Variants in SLCO1B1 observed in about 807,000 individuals in gnomAD.
The protein encoded by SLCO1B1 is OATP-2.
A neutral mutation model predicts 70.1 loss-of-function variants in SLCO1B1; 81 were observed. The ratio of observed to expected loss-of-function variants is 1.16; its 90% CI spans 0.97 to 1.39. SLCO1B1 has a LOEUF of 1.39. Among genes scored for constraint, SLCO1B1 ranks in the 40% most tolerant of loss-of-function variants. SLCO1B1 has a pLI of 0.00. For missense variants in SLCO1B1, 895 were observed against 799.6 expected (o/e 1.12, Z -1.44); for synonymous variants, 283 against 271.5 (o/e 1.04, Z -0.42).
chr12:21,206,551 T>G (rs1941217106), intron 11 of SLCO1B1, among the ~76,000 whole-genome samples: 1 of 151,936 alleles, frequency 6.6e-6, no homozygotes, highest in Non-Finnish European at 1.5e-5. Flanking sequence ...CTCACTTGAC[T>G]GCCCTATTCT....
At chr12:21,163,688 A>G (rs530946981) in intron 2 of SLCO1B1, among the ~76,000 whole-genome samples, 1 of 152,280 alleles carries the variant, frequency 6.6e-6, no homozygotes, top group African/African-American at 2.4e-5. Context: ...TAAAAGAGAA[A>G]GAGAATGGAA....
At chr12:21,200,468 G>T (rs776612224) in intron 8 of SLCO1B1, 40 bp from the exon 9 acceptor site, 1 of 1,326,008 alleles carries the variant, frequency 7.5e-7, no homozygotes. Context: ...GTATATTTAA[G>T]TTGCATTCAA....
intron 14 of SLCO1B1, among the ~76,000 whole-genome samples, chr12:21,226,976 A>G (rs78252685): frequency 0.12 from 18,660 of 152,184 alleles, 1,555 homozygotes; most frequent in Non-Finnish European, 0.18. Context: ...TGATAATGAC[A>G]GGATTGCAAT....
intron 2 of SLCO1B1, among the ~76,000 whole-genome samples, chr12:21,148,855 G>C (rs1447180865): frequency 1.3e-5 from 2 of 152,076 alleles, no homozygotes; most frequent in African/African-American, 4.8e-5. Context: ...CTATCCATGA[G>C]CATAGAATGT....
At position 21,218,963 on chromosome 12, in the gene SLCO1B1, TTAAG is replaced by T. The variant is rs564350868; in HGVS notation, c.1682+1663_1682+1666del. On this transcript the variant is annotated intron_variant, in intron 12 of 14. Coordinates refer to ENST00000256958, the MANE Select transcript of SLCO1B1 (RefSeq NM_006446.5). ...CTATGAAGCTATTTTTTAAACTTGA[TTAAG>T]TAGGCAGAAGGACATCCATTTATTC... 6.8e-4 allele frequency among the ~76,000 whole-genome samples: 104 copies of T among 152,322 alleles called. 8 individuals are homozygous for T. The South Asian group carries it at 0.02, about 29-fold the overall frequency.
intron 11 of SLCO1B1, among the ~76,000 whole-genome samples, chr12:21,206,634 T>G (rs1162357527): frequency 6.6e-6 from 1 of 151,914 alleles, no homozygotes; most frequent in Non-Finnish European, 1.5e-5. Context: ...TCACCTAATG[T>G]CAATATGTCC....
At chr12:21,199,673 T>A (rs1250996409) in intron 8 of SLCO1B1, among the ~76,000 whole-genome samples, 1 of 152,146 alleles carries the variant, frequency 6.6e-6, no homozygotes, top group African/African-American at 2.4e-5. Flanking sequence ...AATTATGCTG[T>A]CTTTACATTT....
At chr12:21,156,179 T>C (rs950690687) in intron 2 of SLCO1B1, among the ~76,000 whole-genome samples, 2 of 152,126 alleles carry the variant, frequency 1.3e-5, no homozygotes, top group African/African-American at 4.8e-5. Flanking sequence ...ATGGAGACCT[T>C]TGAATGCTAG....
chr12:21,192,147 T>C (rs1941036109), intron 7 of SLCO1B1, among the ~76,000 whole-genome samples: 1 of 152,036 alleles, frequency 6.6e-6, no homozygotes. Context: ...GAAGATGTTC[T>C]CTTCTCTTCA....
At chr12:21,228,567 G>C (rs1032933210) in intron 14 of SLCO1B1, among the ~76,000 whole-genome samples, 1 of 152,050 alleles carries the variant, frequency 6.6e-6, no homozygotes, top group East Asian at 1.9e-4. Flanking sequence ...AAATTATTTG[G>C]TTGGGCCCAA....
intron 8 of SLCO1B1, among the ~76,000 whole-genome samples, chr12:21,197,556 G>A (rs1270937864): frequency 6.6e-6 from 1 of 152,046 alleles, no homozygotes; most frequent in East Asian, 1.9e-4. Context: ...ACCAGGAACT[G>A]TACTATGCCC....
chr12:21,193,471 T>C (rs1941054467), intron 7 of SLCO1B1, among the ~76,000 whole-genome samples: 1 of 152,230 alleles, frequency 6.6e-6, no homozygotes, highest in Non-Finnish European at 1.5e-5. Context: ...CCATGTTTGC[T>C]TTATAGCTTT....
chr12:21,214,875 G>C (rs1941339022), intron 11 of SLCO1B1, among the ~76,000 whole-genome samples: 4 of 151,954 alleles, frequency 2.6e-5, no homozygotes. Context: ...GGAACTCCCT[G>C]ACCCCTTGCG....
intron 7 of SLCO1B1, among the ~76,000 whole-genome samples, chr12:21,196,533 C>T (rs181066664): frequency 1.3e-5 from 2 of 152,272 alleles, no homozygotes; most frequent in East Asian, 3.9e-4. Context: ...AGATTTCTTG[C>T]AAACTGCTAA....
chr12:21,137,893 G>T (rs1362273365), intron 1 of SLCO1B1, among the ~76,000 whole-genome samples: 1 of 152,200 alleles, frequency 6.6e-6, no homozygotes. Context: ...CGGTACCTCA[G>T]TTGGAAATGC....
At chr12:21,210,537 G>T (rs1424375648) in intron 11 of SLCO1B1, among the ~76,000 whole-genome samples, 1 of 119,576 alleles carries the variant, frequency 8.4e-6, no homozygotes, top group African/African-American at 3.3e-5. Flanking sequence ...GATTGACTTG[G>T]CGATGTGGGC....
chr12:21,236,718 T>A (rs182674554), intron 14 of SLCO1B1, among the ~76,000 whole-genome samples: 1 of 152,186 alleles, frequency 6.6e-6, no homozygotes, highest in Admixed American at 6.5e-5. Flanking sequence ...CTGCTTCTTA[T>A]GGGCACTATA....
At chr12:21,132,974 T>C (rs1940164027) in intron 1 of SLCO1B1, among the ~76,000 whole-genome samples, 1 of 152,004 alleles carries the variant, frequency 6.6e-6, no homozygotes. Context: ...AGGTCTAACA[T>C]TTAAGTCTTT....
intron 7 of SLCO1B1, among the ~76,000 whole-genome samples, chr12:21,196,065 C>T (rs1301637347): frequency 6.6e-6 from 1 of 152,148 alleles, no homozygotes. Flanking sequence ...AAAGAGGTGT[C>T]TCCAATTTTC....
Sources: allele counts gnomAD v4.1 joint callset (sites outside exome capture counted in the v4.1 genomes callset), GRCh38; gene constraint gnomAD v4.1.1; transcripts MANE v1.5; gene names NCBI Gene and HGNC (gene_info 2026-07-23, HGNC 2026-07-21).